Variants in NPIPA5 observed in about 807,000 individuals in gnomAD.
NPIPA5 encodes the protein nuclear pore complex-interacting protein family member A5.
In NPIPA5, 6 loss-of-function variants were observed where a neutral mutation model predicts 21.4. The ratio of observed to expected loss-of-function variants is 0.28; its 90% CI spans 0.15 to 0.55. The LOEUF (loss-of-function observed/expected upper bound fraction) is 0.55. Ranked by LOEUF, NPIPA5 falls within the 20% of genes least tolerant of loss-of-function variation. NPIPA5 has a pLI of 0.93. For synonymous variants in NPIPA5, 33 were observed against 115.3 expected (o/e 0.29, Z 4.57); for missense variants, 99 against 318.2 (o/e 0.31, Z 5.24).
chr16:15,380,017 C>T (rs1044841319), upstream of NPIPA5, among the ~76,000 whole-genome samples: 1 of 150,678 alleles, frequency 6.6e-6, no homozygotes, highest in African/African-American at 2.4e-5. Flanking sequence ...GTGTGTATCT[C>T]TATAAATCTC....
intron 1 of NPIPA5, among the ~76,000 whole-genome samples, chr16:15,374,340 C>T (rs867187646): frequency 1.3e-5 from 2 of 150,890 alleles, no homozygotes; most frequent in African/African-American, 2.5e-5. Flanking sequence ...CTGAGATTAC[C>T]GGTCTCTGCC....
intron 4 of NPIPA5, 28 bp from the exon 5 acceptor site, chr16:15,366,788 G>A: frequency 6.7e-7 from 1 of 1,491,842 alleles, no homozygotes; most frequent in Non-Finnish European, 8.9e-7. Flanking sequence ...GCACACACAT[G>A]ATCCACCAGC....
In NPIPA5 at chr16:15,370,817, G is replaced by A. The variant is rs564925268; in HGVS notation, c.193-698C>T. Among the ~76,000 whole-genome samples, 11 of 148,478 alleles carry A rather than the reference G, an allele frequency of 7.4e-5. 1 individual carries two copies. The highest frequency in any genetic ancestry group is 2.0e-4 in the East Asian group (1 of 4,962). ...TGTAATCCCAGCACTTTGGGAGGCC[G>A]AGGCGGGTGAATCACGGTCCAGAGA... On this transcript the variant is annotated intron_variant, in intron 2 of 7. Transcript: ENST00000360151.
intron 1 of NPIPA5, among the ~76,000 whole-genome samples, chr16:15,377,110 G>A (rs1349081270): frequency 1.3e-5 from 2 of 151,894 alleles, no homozygotes; most frequent in African/African-American, 4.8e-5. Context: ...TCCAGCTCCT[G>A]GGCCCAAGCG....
At chr16:15,378,951 T>G (rs1236198125), upstream of NPIPA5, among the ~76,000 whole-genome samples, 3 of 140,460 alleles carry the variant, frequency 2.1e-5, no homozygotes, top group Non-Finnish European at 4.6e-5. Flanking sequence ...CCCAGAGGGC[T>G]TGGCAGCATC....
intron 2 of NPIPA5, among the ~76,000 whole-genome samples, chr16:15,371,315 C>T (rs1291050788): frequency 3.9e-4 from 56 of 143,694 alleles, no homozygotes; most frequent in African/African-American, 1.3e-3. Context: ...ACATCAGCTT[C>T]GTTGAGGCTG....
intron 2 of NPIPA5, among the ~76,000 whole-genome samples, chr16:15,370,876 G>A (rs559491456): frequency 8.9e-5 from 13 of 146,024 alleles, no homozygotes; most frequent in East Asian, 6.2e-4. Context: ...GTGAAACCCC[G>A]TCTCTACTAA....
chr16:15,376,902 A>C (rs1173549296), intron 1 of NPIPA5, among the ~76,000 whole-genome samples: 2 of 152,038 alleles, frequency 1.3e-5, no homozygotes, highest in African/African-American at 4.8e-5. Context: ...TGAACCCCGG[A>C]AGCGGAGGTT....
In NPIPA5 at chr16:15,369,848, T is replaced by C. The variant is rs1428688330; in HGVS notation, c.301A>G (p.Ile101Val). Residue 101 changes from isoleucine (I) to valine (V), a missense_variant, in exon 4 of 8, where the codon ATT becomes GTT. Physicochemically the swap from Ile to Val is conservative, Grantham distance 29. Coordinates refer to ENST00000360151, the MANE Select transcript of NPIPA5 (RefSeq NM_001277325.2). ...AAAGTAAAGATGTCTTCCAGGACAA[T>C]TTTAATTCCTGGAAAGGAAGAAACT... ...SNCRRQEGIKIVLEDIFTLWR... is the reference protein window; with the variant it reads ...SNCRRQEGIKVVLEDIFTLWR... 2.5e-6 allele frequency: 2 copies of C among 786,582 alleles called. No individual in the cohort carries two copies. The highest frequency in any genetic ancestry group is 5.6e-5 in the East Asian group (2 of 35,976). The allele number at this position is 786,582 out of a possible 1,614,324, so 48.7% of individuals were successfully genotyped here. A position where few individuals can be genotyped will look rare whatever the true frequency, so the allele number is the denominator to read the frequency against.
In NPIPA5 at chr16:15,374,362, C is replaced by T. The variant is rs2050234948; in HGVS notation, c.64-519G>A. Among the ~76,000 whole-genome samples the T allele has an allele frequency of 1.3e-5, 2 of 151,738 alleles. 1 individual carries two copies. Among genetic ancestry groups the T allele is most frequent in the Admixed American group, 1.3e-4 (2 of 15,268 alleles). ...TACCGGTCTCTGCCACCATGCCTGACTAATTTTTGTATTTTTAGTAGAGAT... is the reference window on the plus strand; with the variant it reads ...TACCGGTCTCTGCCACCATGCCTGATTAATTTTTGTATTTTTAGTAGAGAT... On this transcript the variant is annotated intron_variant, in intron 1 of 7. Coordinates refer to ENST00000360151, the MANE Select transcript of NPIPA5 (RefSeq NM_001277325.2).
chr16:15,380,005 G>C (rs914764877), upstream of NPIPA5, among the ~76,000 whole-genome samples: 1 of 151,660 alleles, frequency 6.6e-6, no homozygotes, highest in Non-Finnish European at 1.5e-5. Flanking sequence ...GTGTGTGTGT[G>C]TGTGTGTATC....
Position 15,374,196 on chromosome 16 carries a change from T to A in NPIPA5, c.64-353A>T, listed in dbSNP as rs146977786. On this transcript the variant is annotated intron_variant, in intron 1 of 7. Transcript: ENST00000360151. ...AATAGCTGATGATCTAAAAAAAAAA[T>A]TTTTTTTTTTTTTTTGAGACAGAGT... Among the ~76,000 whole-genome samples the A allele has an allele frequency of 2.7e-3, 363 of 133,802 alleles. 1 individual carries two copies. Among genetic ancestry groups the A allele is most frequent in the Admixed American group, 7.4e-3 (99 of 13,292 alleles). The allele number at this position is 133,802 out of a possible 152,430, so 87.8% of individuals were successfully genotyped here.
chr16:15,380,331 T>G, upstream of NPIPA5, among the ~76,000 whole-genome samples: 1 of 151,430 alleles, frequency 6.6e-6, no homozygotes, highest in Non-Finnish European at 1.5e-5. Context: ...AGGATAATTT[T>G]TTTTTTTTTT....
chr16:15,366,790 T>C, intron 4 of NPIPA5, 30 bp from the exon 5 acceptor site: 8 of 1,494,530 alleles, frequency 5.4e-6, no homozygotes, highest in Non-Finnish European at 7.1e-6. Context: ...ACACACATGA[T>C]CCACCAGCCC....
chr16:15,374,433 C>T (rs368959976), intron 1 of NPIPA5, among the ~76,000 whole-genome samples: 21 of 151,696 alleles, frequency 1.4e-4, no homozygotes, highest in Non-Finnish European at 2.2e-4. Flanking sequence ...TCCTGACAGG[C>T]GATCTGCCTG....
intron 4 of NPIPA5, among the ~76,000 whole-genome samples, chr16:15,367,094 A>G (rs565384094): frequency 4.4e-4 from 66 of 151,328 alleles, no homozygotes; most frequent in Middle Eastern, 3.4e-3. Context: ...TTGACACAGC[A>G]AAAGCTCATT....
rs577282936 is a variant in NPIPA5 at position 15,369,238 on chromosome 16, C to A, written c.437+474G>T. ...TGGGAGGCTGAGGCGGGTGGATTACCTGAGGTCAGAAGTTCGAGACCAGTC... is the reference window on the plus strand; with the variant it reads ...TGGGAGGCTGAGGCGGGTGGATTACATGAGGTCAGAAGTTCGAGACCAGTC... On this transcript the variant is annotated intron_variant, in intron 4 of 7. Transcript: ENST00000360151. Among the ~76,000 whole-genome samples, 636 of 147,892 alleles carry A rather than the reference C, an allele frequency of 4.3e-3. 12 individuals are homozygous for A. Among genetic ancestry groups the A allele is most frequent in the African/African-American group, 0.015 (592 of 40,696 alleles).
intron 4 of NPIPA5, among the ~76,000 whole-genome samples, chr16:15,367,383 G>A (rs2050005811): frequency 6.6e-6 from 1 of 152,128 alleles, no homozygotes; most frequent in Admixed American, 6.5e-5. Context: ...CGCATCTATT[G>A]AATTAGAAAT....
upstream of NPIPA5, among the ~76,000 whole-genome samples, chr16:15,379,205 T>C (rs2050378659): frequency 6.6e-6 from 1 of 152,182 alleles, no homozygotes; most frequent in South Asian, 2.1e-4. Flanking sequence ...AAATATTCTA[T>C]TGATGCTACA....
Sources: allele counts gnomAD v4.1 joint callset (sites outside exome capture counted in the v4.1 genomes callset), GRCh38; gene constraint gnomAD v4.1.1; transcripts MANE v1.5; gene names NCBI Gene and HGNC (gene_info 2026-07-23, HGNC 2026-07-21).